Variants in CRB1 observed in about 807,000 individuals in gnomAD.
The protein encoded by CRB1 is crumbs cell polarity complex component 1, also known as protein crumbs homolog 1.
In CRB1, 83 loss-of-function variants were observed where a neutral mutation model predicts 120.0. The ratio of observed to expected loss-of-function variants is 0.69; its 90% CI spans 0.58 to 0.83. The LOEUF (loss-of-function observed/expected upper bound fraction) is 0.83. CRB1 is among the 40% of genes least tolerant of loss of function. The pLI is 0.00. For synonymous variants in CRB1, 625 were observed against 612.5 expected, an observed-to-expected ratio of 1.02 and a Z score of -0.30; for missense variants, 1,699 against 1,687.6, an observed-to-expected ratio of 1.01 and a Z score of -0.12.
At chr1:197,398,446 C>T (rs1040682830) in intron 5 of CRB1, among the ~76,000 whole-genome samples, 11 of 151,828 alleles carry the variant, frequency 7.2e-5, no homozygotes, top group African/African-American at 1.5e-4. Flanking sequence ...TGAAGGAAGG[C>T]GGGTAGGTTG....
chr1:197,262,656 A>G, the CRB1 span, among the ~76,000 whole-genome samples: 3 of 152,072 alleles, frequency 2.0e-5, no homozygotes, highest in African/African-American at 7.2e-5. Flanking sequence ...ATAGCACCCA[A>G]TAGGTAGTTT....
chr1:197,422,957 A>G (rs1486469912), intron 6 of CRB1: 1 of 152,148 alleles, frequency 6.6e-6, no homozygotes, highest in Non-Finnish European at 1.5e-5. Context: ...TCCCCCGACC[A>G]CAATATTCAT....
At chr1:197,460,553 C>T (rs1666483475) in intron 11 of CRB1, among the ~76,000 whole-genome samples, 1 of 152,100 alleles carries the variant, frequency 6.6e-6, no homozygotes, top group African/African-American at 2.4e-5. Flanking sequence ...TGATCACATG[C>T]ACTCAACATG....
rs577742422 is a variant in CRB1 at position 197,318,928 on chromosome 1, C to A, written c.71-9494C>A. 5.3e-5 allele frequency among the ~76,000 whole-genome samples: 8 copies of A among 152,110 alleles called. No homozygotes were observed. In the South Asian group the frequency reaches 1.7e-3, roughly 32 times the overall value. The stretch of plus-strand genomic sequence containing the variant: ...TAAGTTCTGGTGTTCTGTTGAATAG[C>A]AGGATGACTAGAGTTAACAACAATG... On this transcript the variant is annotated intron_variant, in intron 1 of 11. Coordinates refer to ENST00000367400, the MANE Select transcript of CRB1 (RefSeq NM_201253.3).
the CRB1 span, among the ~76,000 whole-genome samples, chr1:197,235,082 C>T: frequency 1.3e-5 from 2 of 152,112 alleles, no homozygotes; most frequent in African/African-American, 4.8e-5. Flanking sequence ...CATTTTAAAT[C>T]TGTGAAGTAT....
chr1:197,478,004 A>G lies in CRB1; in HGVS notation c.*125A>G. The G allele has an allele frequency of 3.0e-6, 3 of 1,001,936 alleles. No individual in the cohort carries two copies. In the South Asian group the frequency reaches 4.0e-5, roughly 13 times the overall value. The allele number at this position is 1,001,936 out of a possible 1,614,324, so 62.1% of individuals were successfully genotyped here. A position where few individuals can be genotyped will look rare whatever the true frequency, so the allele number is the denominator to read the frequency against. On this transcript the variant is annotated 3_prime_UTR_variant, in exon 12 of 12. Transcript: ENST00000367400. Reference sequence around the variant, plus strand: ...GGATTACACTGGAACTACAGGAATGATTCCTTTGACCACCTTAAAAACTTT... The same window carrying G: ...GGATTACACTGGAACTACAGGAATGGTTCCTTTGACCACCTTAAAAACTTT...
At chr1:197,301,200 C>A (rs1401560204) in intron 1 of CRB1, among the ~76,000 whole-genome samples, 1 of 151,038 alleles carries the variant, frequency 6.6e-6, no homozygotes, top group East Asian at 1.9e-4. Context: ...GAGTATCACT[C>A]TATCACCCAG....
At chr1:197,332,888 C>T (rs1435136255) in intron 2 of CRB1, among the ~76,000 whole-genome samples, 7 of 152,090 alleles carry the variant, frequency 4.6e-5, no homozygotes, top group African/African-American at 1.7e-4. Context: ...GGCCAACTAA[C>T]GAGAACCCCA....
intron 1 of CRB1, among the ~76,000 whole-genome samples, chr1:197,282,320 A>T (rs1053314858): frequency 2.0e-5 from 3 of 151,854 alleles, no homozygotes; most frequent in Non-Finnish European, 4.4e-5. Flanking sequence ...GAATAAGAAG[A>T]GAGAACACAA....
chr1:197,343,465 G>T (rs1354386337), intron 2 of CRB1, among the ~76,000 whole-genome samples: 2 of 151,722 alleles, frequency 1.3e-5, no homozygotes, highest in Non-Finnish European at 2.9e-5. Flanking sequence ...TACTAATTTT[G>T]GGGGGATAAG....
At position 197,421,737 on chromosome 1, in the gene CRB1, C is replaced by T. The variant is rs1457623741; in HGVS notation, c.1909C>T (p.Pro637Ser). 1 of 1,613,982 alleles carries T rather than the reference C, an allele frequency of 6.2e-7. No homozygotes were observed. Among genetic ancestry groups the T allele is most frequent in the African/African-American group, 1.3e-5 (1 of 74,904 alleles). ...LLNFYNMPSTPSFVGCLQDIK... is the reference protein window; with the variant it reads ...LLNFYNMPSTSSFVGCLQDIK... Reference sequence around the variant, plus strand: ...TAACTTCTATAATATGCCATCCACACCTTCGTTTGTAGGCTGTCTCCAAGA... The same window carrying T: ...TAACTTCTATAATATGCCATCCACATCTTCGTTTGTAGGCTGTCTCCAAGA... The change falls in exon 6 of 12, where the codon CCT (proline) becomes TCT (serine). Residue 637 changes from proline to serine, a missense_variant. By Grantham distance (74) the Pro-to-Ser change is moderately conservative. Coordinates refer to ENST00000367400, the MANE Select transcript of CRB1 (RefSeq NM_201253.3).
intron 9 of CRB1, among the ~76,000 whole-genome samples, chr1:197,436,872 T>C (rs1430946029): frequency 2.0e-5 from 3 of 152,158 alleles, no homozygotes; most frequent in Non-Finnish European, 2.9e-5. Context: ...CAGCAGTGCA[T>C]TGAAAGAATA....
chr1:197,213,389 A>G, the CRB1 span, among the ~76,000 whole-genome samples: 3 of 152,208 alleles, frequency 2.0e-5, no homozygotes, highest in Non-Finnish European at 4.4e-5. Context: ...CCCTAAAAAT[A>G]GTTACTGATT....
At chr1:197,300,191 A>G (rs989489707) in intron 1 of CRB1, among the ~76,000 whole-genome samples, 5 of 151,964 alleles carry the variant, frequency 3.3e-5, no homozygotes, top group African/African-American at 1.2e-4. Context: ...TGTTCAAGTG[A>G]AAGTAAGGGT....
At chr1:197,204,635 T>A in the CRB1 span, among the ~76,000 whole-genome samples, 7 of 152,222 alleles carry the variant, frequency 4.6e-5, no homozygotes, top group African/African-American at 1.7e-4. Flanking sequence ...TTTTTTTTCT[T>A]ACCAATTTGT....
chr1:197,237,560 T>C, the CRB1 span, among the ~76,000 whole-genome samples: 2 of 152,186 alleles, frequency 1.3e-5, no homozygotes, highest in Non-Finnish European at 2.9e-5. Flanking sequence ...ACAATAGACA[T>C]ATTCCAATTA....
chr1:197,411,800 C>T (rs572374031), intron 5 of CRB1, among the ~76,000 whole-genome samples: 12 of 152,198 alleles, frequency 7.9e-5, no homozygotes, highest in African/African-American at 2.9e-4. Flanking sequence ...TTCAAGGGTA[C>T]AAGTACAGAT....
the CRB1 span, among the ~76,000 whole-genome samples, chr1:197,227,255 C>T: frequency 6.6e-6 from 1 of 152,276 alleles, no homozygotes; most frequent in South Asian, 2.1e-4. Flanking sequence ...AAGCTAGTTA[C>T]TTCCTAGATA....
At chr1:197,232,355 C>A in the CRB1 span, among the ~76,000 whole-genome samples, 1 of 151,940 alleles carries the variant, frequency 6.6e-6, no homozygotes, top group African/African-American at 2.4e-5. Flanking sequence ...ACTGGGCCAA[C>A]TGGTGGAAAT....
Sources: allele counts gnomAD v4.1 joint callset (sites outside exome capture counted in the v4.1 genomes callset), GRCh38; gene constraint gnomAD v4.1.1; transcripts MANE v1.5; gene names NCBI Gene and HGNC (gene_info 2026-07-23, HGNC 2026-07-21).